The following ABHD12B variants were observed in gnomAD, a reference collection of about 807,000 sequenced individuals.
The protein encoded by ABHD12B is protein ABHD12B.
ABHD12B carries 42 observed loss-of-function variants against 50.4 expected under a neutral mutation model. The observed-to-expected ratio is 0.83, with a 90% CI of 0.65 to 1.08. The LOEUF (loss-of-function observed/expected upper bound fraction) is 1.08. Ranked by LOEUF, ABHD12B falls within the 50% of genes least tolerant of loss-of-function variation. The pLI is 0.00. For missense variants in ABHD12B, 479 were observed against 447.7 expected (o/e 1.07, Z -0.63); for synonymous variants, 167 against 160.3 (o/e 1.04, Z -0.32).
At chr14:50,885,010 G>A (rs2095915) in intron 5 of ABHD12B, among the ~76,000 whole-genome samples, 147,570 of 152,270 alleles carry the variant, frequency 0.97, 71,683 homozygotes, top group East Asian at 1. Flanking sequence ...TTTAAAAAGA[G>A]ACATTTATAG....
Position 50,878,042 on chromosome 14 carries a change from C to T in ABHD12B, c.195C>T (p.Phe65=). The T allele has an allele frequency of 6.5e-7, 1 of 1,533,308 alleles. No homozygotes were observed. The highest frequency in any genetic ancestry group is 8.7e-7 in the Non-Finnish European group (1 of 1,145,902). The allele number at this position is 1,533,308 out of a possible 1,614,324, so 95.0% of individuals were successfully genotyped here. A position where few individuals can be genotyped will look rare whatever the true frequency, so the allele number is the denominator to read the frequency against. The part of the protein sequence containing the change: ...FTSKSLKEHV[F]LPLIDMLIYF... Reference sequence around the variant, plus strand: ...GTAAATCCTTAAAAGAACACGTTTTCCTTCCTCTGATAGACATGCTAATTT... The same window carrying T: ...GTAAATCCTTAAAAGAACACGTTTTTCTTCCTCTGATAGACATGCTAATTT... Residue 65 remains phenylalanine (F), a synonymous_variant, in exon 2 of 13, where the codon TTC becomes TTT. Transcript: ENST00000337334.
chr14:50,897,650 G>T (rs1239177035), intron 9 of ABHD12B, among the ~76,000 whole-genome samples: 1 of 152,218 alleles, frequency 6.6e-6, no homozygotes, highest in Admixed American at 6.5e-5. Flanking sequence ...TTGTGGAAAA[G>T]AGTATGGGCT....
At chr14:50,898,054 CAG>C (rs1013591941) in intron 9 of ABHD12B, among the ~76,000 whole-genome samples, 3 of 152,186 alleles carry the variant, frequency 2.0e-5, no homozygotes, top group Non-Finnish European at 2.9e-5. Flanking sequence ...AGTTAGGAAA[CAG>C]AGCGAGGAAC....
At chr14:50,886,997 C>T (rs533725928) in intron 8 of ABHD12B, among the ~76,000 whole-genome samples, 48 of 151,898 alleles carry the variant, frequency 3.2e-4, no homozygotes, top group African/African-American at 1.1e-3. Flanking sequence ...GGGTGGATCA[C>T]GAGGTCAGGA....
intron 7 of ABHD12B, 21 bp from the exon 8 acceptor site, chr14:50,886,626 C>T: frequency 6.2e-7 from 1 of 1,605,258 alleles, no homozygotes; most frequent in Non-Finnish European, 8.5e-7. Context: ...AACACATGTA[C>T]TAATTTTCAT....
chr14:50,880,232 T>C (rs2049920301), intron 3 of ABHD12B, among the ~76,000 whole-genome samples: 2 of 151,730 alleles, frequency 1.3e-5, no homozygotes, highest in Admixed American at 1.3e-4. Flanking sequence ...AGTAAGTCGT[T>C]AAAAGGCATT....
intron 1 of ABHD12B, among the ~76,000 whole-genome samples, chr14:50,875,570 C>A (rs1417962522): frequency 2.0e-5 from 3 of 152,154 alleles, no homozygotes; most frequent in Non-Finnish European, 4.4e-5. Context: ...ACCAAAGCAC[C>A]AAGGTGGCCG....
intron 9 of ABHD12B, chr14:50,893,779 C>G (rs921343838): frequency 1.6e-4 from 29 of 177,478 alleles, no homozygotes; most frequent in Non-Finnish European, 3.0e-4. Flanking sequence ...TCTTTTTACT[C>G]TCTTCTCCAA....
intron 9 of ABHD12B, among the ~76,000 whole-genome samples, chr14:50,899,957 G>C (rs1005944768): frequency 4.0e-5 from 6 of 151,838 alleles, no homozygotes; most frequent in Non-Finnish European, 7.4e-5. Context: ...TTAAATCTGG[G>C]CCAGGCACTG....
At position 50,894,885 on chromosome 14, in the gene ABHD12B, C is replaced by T. The variant is rs542488867; in HGVS notation, c.780+5982C>T. On this transcript the variant is annotated intron_variant, in intron 9 of 12. Transcript: ENST00000337334. ...CAGGCCGAGCTAGGCCTCAATTCTT[C>T]CTCAGCCTCTGCTCCTCCACCCTAT... Among the ~76,000 whole-genome samples, 12 of 148,830 alleles carry T rather than the reference C, an allele frequency of 8.1e-5. 1 individual carries two copies. The highest frequency in any genetic ancestry group is 5.8e-4 in the East Asian group (3 of 5,184).
intron 9 of ABHD12B, among the ~76,000 whole-genome samples, chr14:50,901,178 A>G (rs1219024223): frequency 2.0e-5 from 3 of 152,208 alleles, no homozygotes; most frequent in African/African-American, 7.2e-5. Flanking sequence ...TAAAACGGAT[A>G]TTTCTAGGGC....
intron 5 of ABHD12B, among the ~76,000 whole-genome samples, chr14:50,884,562 G>C (rs1234617002): frequency 2.0e-5 from 3 of 152,166 alleles, no homozygotes; most frequent in African/African-American, 7.2e-5. Flanking sequence ...AGCTCCACAA[G>C]GCTCAGTTTA....
chr14:50,887,211 C>CAAAAAAAAA (rs59924695), intron 8 of ABHD12B, among the ~76,000 whole-genome samples: 33,701 of 43,428 alleles, frequency 0.78, 14,538 homozygotes, highest in South Asian at 0.92. Context: ...GAGTCTGTCT[C>CAAAAAAAAA]AAAAAAAAAA....
At chr14:50,882,092 C>A (rs549560795) in intron 5 of ABHD12B, among the ~76,000 whole-genome samples, 2 of 151,936 alleles carry the variant, frequency 1.3e-5, no homozygotes, top group Non-Finnish European at 1.5e-5. Context: ...CCAACCACCA[C>A]GCCCGGCTAA....
rs1299566833 is a variant in ABHD12B at position 50,872,292 on chromosome 14, G to A, written c.104+14G>A. The A allele has an allele frequency of 3.1e-6, 4 of 1,294,316 alleles. No homozygotes were observed. The highest frequency in any genetic ancestry group is 3.9e-6 in the Non-Finnish European group (4 of 1,019,900). 80.2% of individuals were successfully genotyped at this position (1,294,316 alleles called of 1,614,324 possible). On this transcript the variant is annotated intron_variant, in intron 1 of 12. Coordinates refer to ENST00000337334, the MANE Select transcript of ABHD12B (RefSeq NM_001206673.2). ...CCGCAACCTGCGGTGAGTACCGCCC[G>A]GTCCACCCCTGGCCGGGCCCCGACG...
In ABHD12B at chr14:50,885,874, G is replaced by T; in HGVS notation, c.641G>T (p.Trp214Leu). The T allele has an allele frequency of 6.2e-7, 1 of 1,614,090 alleles. No individual in the cohort carries two copies. ...AGTGGCATCACTCCCGTGTGTCTCT[G>T]GGGCCACTCTCTGGGTACAGGGTAA... ...ARSGITPVCLWGHSLGTGVAT... is the reference protein window; with the variant it reads ...ARSGITPVCLLGHSLGTGVAT... Residue 214 changes from tryptophan (W) to leucine (L), a missense_variant, in exon 7 of 13, where the codon TGG (tryptophan) becomes TTG (leucine). Coordinates refer to ENST00000337334, the MANE Select transcript of ABHD12B (RefSeq NM_001206673.2).
chr14:50,901,960 C>A (rs765558015), intron 10 of ABHD12B, 49 bp downstream of exon 10: 2 of 1,246,740 alleles, frequency 1.6e-6, no homozygotes, highest in South Asian at 3.0e-5. Context: ...CTAAAGGATT[C>A]TAGGGGCAAC....
At chr14:50,887,251 A>G (rs2142744727) in intron 8 of ABHD12B, among the ~76,000 whole-genome samples, 1 of 142,152 alleles carries the variant, frequency 7.0e-6, no homozygotes, top group East Asian at 2.1e-4. Context: ...GTGATATCAT[A>G]TTAATTTAAA....
intron 3 of ABHD12B, among the ~76,000 whole-genome samples, chr14:50,879,726 G>A (rs1399507244): frequency 6.6e-6 from 1 of 152,162 alleles, no homozygotes; most frequent in Non-Finnish European, 1.5e-5. Context: ...TTGCCCCACT[G>A]GTCCTTGGTT....
Sources: allele counts gnomAD v4.1 joint callset (sites outside exome capture counted in the v4.1 genomes callset), GRCh38; gene constraint gnomAD v4.1.1; transcripts MANE v1.5; gene names NCBI Gene and HGNC (gene_info 2026-07-23, HGNC 2026-07-21).